Variants in CHD1L observed in about 807,000 individuals in gnomAD.
The protein encoded by CHD1L is chromodomain helicase DNA binding protein 1 like.
CHD1L carries 118 observed loss-of-function variants against 115.9 expected under a neutral mutation model. The observed-to-expected ratio is 1.02, with a 90% confidence interval of 0.88 to 1.19. The LOEUF is 1.19. Ranked by LOEUF, CHD1L falls within the 50% of genes most tolerant of loss-of-function variation. The pLI, the probability that CHD1L is intolerant of heterozygous loss-of-function variation, is 0.00. For missense variants in CHD1L, 1,179 were observed against 1,065.3 expected, an observed-to-expected ratio of 1.11 and a Z score of -1.49; for synonymous variants, 411 against 387.1, an observed-to-expected ratio of 1.06 and a Z score of -0.72.
chr1:147,285,824 G>A (rs1281093588), intron 17 of CHD1L, among the ~76,000 whole-genome samples: 2 of 152,034 alleles, frequency 1.3e-5, no homozygotes, highest in Admixed American at 1.3e-4. Context: ...AACCTCCCTA[G>A]TAGCTGGGAA....
Position 147,287,621 on chromosome 1 carries a change from C to G in CHD1L, c.2222-14C>G, listed in dbSNP as rs1312259703. On this transcript the variant is annotated splice_polypyrimidine_tract_variant and intron_variant, in intron 18 of 22. Coordinates refer to ENST00000369258, the MANE Select transcript of CHD1L (RefSeq NM_004284.6). ...CACCTCCTATAGATGAAAATTTTCT[C>G]TTTCTTCAAACAGATGACTCTGGCC... The G allele has an allele frequency of 6.2e-7, 1 of 1,606,076 alleles. No homozygotes were observed. Among genetic ancestry groups the G allele is most frequent in the Admixed American group, 1.7e-5 (1 of 58,998 alleles).
the CHD1L span, among the ~76,000 whole-genome samples, chr1:147,193,647 G>C: frequency 1.3e-5 from 2 of 152,108 alleles, no homozygotes; most frequent in Non-Finnish European, 2.9e-5. Context: ...GGCATTTAGT[G>C]CTATAAATTT....
the CHD1L span, chr1:147,190,056 T>C: frequency 2.5e-5 from 16 of 631,024 alleles, no homozygotes; most frequent in Non-Finnish European, 3.2e-5. Flanking sequence ...TTTTCCTTTT[T>C]TCTTCATAAT....
At chr1:147,208,052 TA>T in the CHD1L span, among the ~76,000 whole-genome samples, 1 of 152,202 alleles carries the variant, frequency 6.6e-6, no homozygotes, top group African/African-American at 2.4e-5. Flanking sequence ...ACAAAAATAG[TA>T]CCAACTTATA....
the CHD1L span, chr1:147,213,602 C>G: frequency 1.4e-6 from 1 of 727,280 alleles, no homozygotes; most frequent in Admixed American, 3.2e-5. Flanking sequence ...TTTTCATACT[C>G]CACAAATAAG....
the CHD1L span, among the ~76,000 whole-genome samples, chr1:147,182,711 G>A: frequency 6.6e-6 from 1 of 152,142 alleles, no homozygotes; most frequent in Non-Finnish European, 1.5e-5. Flanking sequence ...GAAGTTATGG[G>A]TGCGTCAAAG....
the CHD1L span, chr1:147,208,825 C>T: frequency 1.3e-6 from 2 of 1,593,628 alleles, no homozygotes; most frequent in South Asian, 2.2e-5. Context: ...TGGCCACTAT[C>T]CCTGCACTCC....
chr1:147,230,104 G>T, the CHD1L span, among the ~76,000 whole-genome samples: 2 of 93,134 alleles, frequency 2.1e-5, 1 homozygote, highest in Non-Finnish European at 3.7e-5. Context: ...CAAAGGGAAT[G>T]CTTCCAGTTT....
At chr1:147,229,685 T>G in the CHD1L span, among the ~76,000 whole-genome samples, 1 of 152,168 alleles carries the variant, frequency 6.6e-6, no homozygotes, top group African/African-American at 2.4e-5. Context: ...TTTATTTCAT[T>G]GAGCAGTGGT....
intron 15 of CHD1L, among the ~76,000 whole-genome samples, chr1:147,281,405 G>A (rs1680794023): frequency 6.6e-6 from 1 of 152,114 alleles, no homozygotes; most frequent in Admixed American, 6.5e-5. Context: ...ACTTCCATAA[G>A]TTGAAGTGTG....
chr1:147,275,996 T>C (rs1252945890), intron 13 of CHD1L, 108 bp from the exon 14 acceptor site: 2 of 1,093,632 alleles, frequency 1.8e-6, no homozygotes, highest in Admixed American at 4.3e-5. Flanking sequence ...CATTGTACCC[T>C]GAATATGGTA....
At chr1:147,192,054 A>G in the CHD1L span, among the ~76,000 whole-genome samples, 1 of 152,128 alleles carries the variant, frequency 6.6e-6, no homozygotes, top group African/African-American at 2.4e-5. Context: ...GAAGAAAGTC[A>G]TTGGTCACTT....
At chr1:147,286,997 T>G (rs1440388572) in intron 18 of CHD1L, among the ~76,000 whole-genome samples, 1 of 152,112 alleles carries the variant, frequency 6.6e-6, no homozygotes, top group Admixed American at 6.5e-5. Context: ...TCTCTGTCCC[T>G]TCTCCCATAT....
At chr1:147,239,669 C>T (rs1354874254), upstream of CHD1L, among the ~76,000 whole-genome samples, 1 of 152,180 alleles carries the variant, frequency 6.6e-6, no homozygotes, top group Non-Finnish European at 1.5e-5. Flanking sequence ...ACCTCACTGG[C>T]AGACCTGGAG....
At chr1:147,178,705 G>C in the CHD1L span, 2 of 1,575,672 alleles carry the variant, frequency 1.3e-6, no homozygotes, top group Non-Finnish European at 8.7e-7. Context: ...CGAGTATGAT[G>C]ATAACGGAGA....
At chr1:147,237,065 C>G in the CHD1L span, among the ~76,000 whole-genome samples, 3 of 152,208 alleles carry the variant, frequency 2.0e-5, no homozygotes, top group South Asian at 4.1e-4. Flanking sequence ...CTTGGCCTCC[C>G]TCCCATGCTG....
At chr1:147,261,768 CA>C (rs1426329613) in intron 6 of CHD1L, among the ~76,000 whole-genome samples, 1 of 152,132 alleles carries the variant, frequency 6.6e-6, no homozygotes, top group Admixed American at 6.5e-5. Flanking sequence ...GTCATCTAAG[CA>C]TTCCTTTTTA....
At chr1:147,173,967 A>G in the CHD1L span, among the ~76,000 whole-genome samples, 1 of 152,262 alleles carries the variant, frequency 6.6e-6, no homozygotes, top group African/African-American at 2.4e-5. Context: ...TATGCCACTT[A>G]GGCTTAAACA....
At chr1:147,271,325 G>T (rs1412778490) in intron 11 of CHD1L, among the ~76,000 whole-genome samples, 2 of 152,158 alleles carry the variant, frequency 1.3e-5, no homozygotes, top group South Asian at 4.1e-4. Flanking sequence ...AGCTTTTAGC[G>T]TCTTGTAACA....
Sources: allele counts gnomAD v4.1 joint callset (sites outside exome capture counted in the v4.1 genomes callset), GRCh38; gene constraint gnomAD v4.1.1; transcripts MANE v1.5; gene names NCBI Gene and HGNC (gene_info 2026-07-23, HGNC 2026-07-21).